Variants in SEMA3A observed in about 807,000 individuals in gnomAD.
SEMA3A encodes the protein semaphorin 3A.
In SEMA3A, 29 loss-of-function variants were observed where a neutral mutation model predicts 97.9. That is an observed-to-expected ratio of 0.30 (90% CI 0.22 to 0.40). The LOEUF (loss-of-function observed/expected upper bound fraction) is 0.40. Among genes scored for constraint, SEMA3A ranks in the 10% least tolerant of loss-of-function variants. SEMA3A has a pLI of 1.00. For synonymous variants in SEMA3A, 321 were observed against 323.7 expected, an observed-to-expected ratio of 0.99 and a Z score of 0.09; for missense variants, 763 against 951.3, an observed-to-expected ratio of 0.80 and a Z score of 2.60.
chr7:84,091,512 G>A (rs1794604269), intron 4 of SEMA3A, among the ~76,000 whole-genome samples: 1 of 152,142 alleles, frequency 6.6e-6, no homozygotes, highest in South Asian at 2.1e-4. Context: ...AAGAATGTGG[G>A]TGGAGATTTA....
intron 1 of SEMA3A, among the ~76,000 whole-genome samples, chr7:84,490,199 CAAAAAA>C (rs35030948): frequency 2.0e-5 from 2 of 101,024 alleles, no homozygotes; most frequent in South Asian, 3.5e-4. Context: ...GCTTTTCCAG[CAAAAAA>C]AAAAAAAAAA....
chr7:84,399,197 G>C (rs539395631), intron 1 of SEMA3A, among the ~76,000 whole-genome samples: 21 of 152,184 alleles, frequency 1.4e-4, no homozygotes, highest in African/African-American at 5.1e-4. Context: ...ACACAACACA[G>C]GAAAAAATTC....
rs558088379 is a variant in SEMA3A, at chr7:83,989,009, G to A, written c.1453-3532C>T. Among the ~76,000 whole-genome samples the A allele has an allele frequency of 5.9e-5, 9 of 151,644 alleles. No homozygotes were observed. In the South Asian group the frequency reaches 1.7e-3, roughly 28 times the overall value. ...ACTGTATTTAGGTTTGTACAATATT[G>A]GAATCAATAACCAAAACAGAAATTT... On this transcript the variant is annotated intron_variant, in intron 12 of 16. Transcript: ENST00000265362.
At chr7:84,167,415 A>T (rs552326886) in intron 1 of SEMA3A, among the ~76,000 whole-genome samples, 1 of 152,300 alleles carries the variant, frequency 6.6e-6, no homozygotes, top group East Asian at 1.9e-4. Context: ...TATACCTCTG[A>T]CATGGCCTGG....
rs181976228 is a variant in SEMA3A, at chr7:84,349,566, G to A, written c.-169+22258C>T. ...GAATAAGTGAGCATAGGTGAATGAA[G>A]AGGGGAGGAAGACACTGGCTGCATA... On this transcript the variant is annotated intron_variant, in intron 2 of 3. Coordinates refer to the SEMA3A transcript ENST00000424555. Among the ~76,000 whole-genome samples the A allele has an allele frequency of 3.3e-5, 5 of 152,302 alleles. No individual in the cohort carries two copies. The East Asian group carries it at 9.7e-4, about 29-fold the overall frequency.
chr7:84,318,994 T>G (rs1235403815), intron 2 of SEMA3A, among the ~76,000 whole-genome samples: 1 of 152,174 alleles, frequency 6.6e-6, no homozygotes, highest in African/African-American at 2.4e-5. Context: ...GGCGCAGAGG[T>G]AAGAATAACA....
intron 1 of SEMA3A, among the ~76,000 whole-genome samples, chr7:84,446,682 A>G (rs1340573617): frequency 6.6e-6 from 1 of 152,192 alleles, no homozygotes; most frequent in Non-Finnish European, 1.5e-5. Context: ...CATATATGAA[A>G]GCACTCAAGG....
At chr7:84,165,541 T>C (rs895609194) in intron 1 of SEMA3A, among the ~76,000 whole-genome samples, 2 of 152,058 alleles carry the variant, frequency 1.3e-5, no homozygotes, top group African/African-American at 4.8e-5. Flanking sequence ...GTAGCATAGC[T>C]GGTTATATAT....
At chr7:84,097,154 G>A (rs890381866) in intron 4 of SEMA3A, among the ~76,000 whole-genome samples, 1 of 152,052 alleles carries the variant, frequency 6.6e-6, no homozygotes, top group African/African-American at 2.4e-5. Flanking sequence ...GTTATTAAAT[G>A]CCAACAAAAG....
intron 3 of SEMA3A, among the ~76,000 whole-genome samples, chr7:84,247,014 A>G (rs1562870130): frequency 6.6e-6 from 1 of 152,142 alleles, no homozygotes; most frequent in Non-Finnish European, 1.5e-5. Flanking sequence ...TGCCATCAAA[A>G]ATGTTTTTAG....
intron 4 of SEMA3A, among the ~76,000 whole-genome samples, chr7:84,065,768 A>G (rs951203221): frequency 3.9e-5 from 6 of 152,158 alleles, no homozygotes; most frequent in Admixed American, 3.3e-4. Context: ...TGAAATTGTG[A>G]CAATAATCAA....
chr7:84,074,437 G>A (rs1331325388), intron 4 of SEMA3A, among the ~76,000 whole-genome samples: 3 of 152,066 alleles, frequency 2.0e-5, no homozygotes, highest in African/African-American at 7.2e-5. Flanking sequence ...AAACTCACAT[G>A]AATAAAGAAA....
intron 1 of SEMA3A, among the ~76,000 whole-genome samples, chr7:84,184,178 G>A (rs193108435): frequency 1.6e-4 from 25 of 152,194 alleles, no homozygotes; most frequent in African/African-American, 5.5e-4. Flanking sequence ...TTTCACAGGC[G>A]TCAGAACGTT....
Position 84,249,783 on chromosome 7 carries a change from T to TA in SEMA3A, c.-82-55116dup, listed in dbSNP as rs200411097. On this transcript the variant is annotated intron_variant, in intron 3 of 3. Coordinates refer to the SEMA3A transcript ENST00000424555. ...ACATCATCTTCCTGAGATTCCTTTC[T>TA]AAAAAAAAAAAAAATTGTCAAGTAC... Among the ~76,000 whole-genome samples, 1,171 of 140,134 alleles carry TA rather than the reference T, an allele frequency of 8.4e-3. 43 individuals carry two copies. In the East Asian group the frequency reaches 0.12, roughly 15 times the overall value. 91.9% of individuals were successfully genotyped at this position (140,134 alleles called of 152,430 possible). A position where few individuals can be genotyped will look rare whatever the true frequency, so the allele number is the denominator to read the frequency against.
intron 3 of SEMA3A, among the ~76,000 whole-genome samples, chr7:84,215,016 C>T (rs566112283): frequency 1.3e-4 from 19 of 150,830 alleles, no homozygotes; most frequent in South Asian, 2.1e-4. Flanking sequence ...GGATTCCAGG[C>T]GCATGACACC....
intron 1 of SEMA3A, among the ~76,000 whole-genome samples, chr7:84,459,980 T>C: frequency 6.6e-6 from 1 of 152,148 alleles, no homozygotes; most frequent in Admixed American, 6.5e-5. Flanking sequence ...TGAGCTGAGA[T>C]AGCATCACTG....
At chr7:84,139,424 G>A (rs1394112926) in intron 1 of SEMA3A, among the ~76,000 whole-genome samples, 1 of 152,032 alleles carries the variant, frequency 6.6e-6, no homozygotes, top group Non-Finnish European at 1.5e-5. Flanking sequence ...CTTTAATAAA[G>A]TATGTATTCT....
At chr7:84,100,632 C>A (rs1794932938) in intron 4 of SEMA3A, among the ~76,000 whole-genome samples, 1 of 151,898 alleles carries the variant, frequency 6.6e-6, no homozygotes. Context: ...CTATGTGAGC[C>A]CTTTGAGGGA....
At chr7:84,090,466 G>C (rs1022087940) in intron 4 of SEMA3A, among the ~76,000 whole-genome samples, 4 of 152,058 alleles carry the variant, frequency 2.6e-5, no homozygotes, top group Admixed American at 1.3e-4. Context: ...CATGGGAATA[G>C]CATGTTCTCT....
Sources: allele counts gnomAD v4.1 joint callset (sites outside exome capture counted in the v4.1 genomes callset), GRCh38; gene constraint gnomAD v4.1.1; transcripts MANE v1.5; gene names NCBI Gene and HGNC (gene_info 2026-07-23, HGNC 2026-07-21).